SULF2: variants seen among roughly 807,000 people sequenced by gnomAD.
The protein encoded by SULF2 is sulfatase 2.
A neutral mutation model predicts 107.7 loss-of-function variants in SULF2; 52 were observed. The ratio of observed to expected loss-of-function variants is 0.48; its 90% CI spans 0.39 to 0.61. SULF2 has a LOEUF of 0.61. Ranked by LOEUF, SULF2 falls within the 20% of genes least tolerant of loss-of-function variation. The pLI is 0.00. For synonymous variants in SULF2, 460 were observed against 464.3 expected (o/e 0.99, Z 0.12); for missense variants, 993 against 1,177.3 (o/e 0.84, Z 2.29).
intron 3 of SULF2, among the ~76,000 whole-genome samples, chr20:47,728,272 A>T (rs992619754): frequency 6.6e-6 from 1 of 152,122 alleles, no homozygotes; most frequent in Admixed American, 6.5e-5. Context: ...GAGAGCAGGG[A>T]GCAAACCCAG....
At chr20:47,682,927 C>T (rs913860226) in intron 7 of SULF2, 67 bp downstream of exon 7, 1 of 1,485,854 alleles carries the variant, frequency 6.7e-7, no homozygotes, top group South Asian at 1.3e-5. Context: ...TGGGTTTGGG[C>T]TGCATGGTTG....
At chr20:47,670,111 C>A (rs2087412514) in intron 11 of SULF2, among the ~76,000 whole-genome samples, 1 of 152,158 alleles carries the variant, frequency 6.6e-6, no homozygotes, top group Non-Finnish European at 1.5e-5. Flanking sequence ...CTGGCTGGAC[C>A]AGAGGAGATC....
chr20:47,759,194 G>A (rs2090362443), intron 1 of SULF2, among the ~76,000 whole-genome samples: 1 of 152,176 alleles, frequency 6.6e-6, no homozygotes, highest in African/African-American at 2.4e-5. Flanking sequence ...TGCCAGTCCT[G>A]TGCTCACCTG....
chr20:47,676,716 G>C, intron 9 of SULF2, 93 bp from the exon 10 acceptor site: 1 of 1,471,718 alleles, frequency 6.8e-7, no homozygotes, highest in East Asian at 2.5e-5. Context: ...GTGCCCCCTC[G>C]GCTCCGGCTT....
At chr20:47,784,231 C>A (rs2090881398) in intron 1 of SULF2, among the ~76,000 whole-genome samples, 1 of 151,284 alleles carries the variant, frequency 6.6e-6, no homozygotes, top group South Asian at 2.1e-4. Flanking sequence ...GGCGAGAGGG[C>A]GGGTGTCCCA....
intron 3 of SULF2, among the ~76,000 whole-genome samples, chr20:47,727,532 G>T (rs2089476685): frequency 6.6e-6 from 1 of 152,206 alleles, no homozygotes; most frequent in Non-Finnish European, 1.5e-5. Flanking sequence ...CACTAGGGAA[G>T]TGGATACACC....
chr20:47,687,249 C>T (rs930634982), intron 5 of SULF2, among the ~76,000 whole-genome samples: 3 of 152,112 alleles, frequency 2.0e-5, no homozygotes, highest in Non-Finnish European at 2.9e-5. Flanking sequence ...GCAGCAGAGC[C>T]GGGTGGTGCT....
chr20:47,755,629 T>C (rs1031668558), intron 2 of SULF2, among the ~76,000 whole-genome samples: 2 of 152,170 alleles, frequency 1.3e-5, no homozygotes, highest in Non-Finnish European at 2.9e-5. Flanking sequence ...TGAGCTTCCA[T>C]CATCACTGCC....
At chr20:47,756,496 C>T (rs1453679901) in intron 2 of SULF2, among the ~76,000 whole-genome samples, 1 of 152,164 alleles carries the variant, frequency 6.6e-6, no homozygotes, top group Non-Finnish European at 1.5e-5. Flanking sequence ...CTAACCTAGT[C>T]AACCTTCACA....
intron 2 of SULF2, among the ~76,000 whole-genome samples, chr20:47,753,050 G>A (rs1176697848): frequency 1.4e-5 from 2 of 143,034 alleles, no homozygotes; most frequent in Non-Finnish European, 3.0e-5. Context: ...GCAGTGAGCC[G>A]AGATTGCGCC....
At chr20:47,743,909 C>T (rs1344163862) in intron 2 of SULF2, among the ~76,000 whole-genome samples, 3 of 152,196 alleles carry the variant, frequency 2.0e-5, no homozygotes, top group East Asian at 3.9e-4. Context: ...TCCCTCATTG[C>T]CTTCAGGTTT....
chr20:47,697,047 C>T (rs1265032073), intron 4 of SULF2, among the ~76,000 whole-genome samples: 2 of 152,134 alleles, frequency 1.3e-5, no homozygotes, highest in African/African-American at 2.4e-5. Flanking sequence ...TAGAATCTGC[C>T]AGGTCGCCCC....
At chr20:47,725,080 C>T (rs1021085866) in intron 3 of SULF2, among the ~76,000 whole-genome samples, 2 of 152,190 alleles carry the variant, frequency 1.3e-5, no homozygotes, top group Admixed American at 6.5e-5. Context: ...GTCAGGCAGA[C>T]GCCTGCACCT....
chr20:47,675,279 C>T (rs933768240), intron 10 of SULF2, among the ~76,000 whole-genome samples: 4 of 151,912 alleles, frequency 2.6e-5, no homozygotes, highest in African/African-American at 9.7e-5. Flanking sequence ...AGAACATCAG[C>T]TCTGGGAGGG....
chr20:47,768,213 C>T (rs1475920852), intron 1 of SULF2, among the ~76,000 whole-genome samples: 1 of 151,844 alleles, frequency 6.6e-6, no homozygotes. Flanking sequence ...GAAGCCAACA[C>T]ACCGAACACA....
At chr20:47,769,541 G>T (rs12480542) in intron 1 of SULF2, among the ~76,000 whole-genome samples, 1 of 151,826 alleles carries the variant, frequency 6.6e-6, no homozygotes, top group Admixed American at 6.6e-5. Flanking sequence ...CCAGAAGCTC[G>T]CATGGGCAGG....
At chr20:47,662,941 A>C (rs775715381) in intron 17 of SULF2, 129 bp downstream of exon 17, 26 of 1,031,666 alleles carry the variant, frequency 2.5e-5, no homozygotes, top group Non-Finnish European at 3.7e-5. Flanking sequence ...TTCACAACTT[A>C]CTCCCACCGG....
chr20:47,660,626 G>T (rs1251799029), intron 18 of SULF2, among the ~76,000 whole-genome samples: 2 of 151,240 alleles, frequency 1.3e-5, no homozygotes, highest in African/African-American at 2.4e-5. Flanking sequence ...TTTATTTTTA[G>T]AGATGGGGCG....
intron 11 of SULF2, among the ~76,000 whole-genome samples, chr20:47,669,053 G>A (rs561566577): frequency 1.4e-4 from 22 of 152,260 alleles, no homozygotes; most frequent in South Asian, 1.2e-3. Context: ...CCACCGCTGC[G>A]TCTCCTTCAT....
Sources: gnomAD v4.1 joint callset for allele counts (sites outside exome capture counted in the v4.1 genomes callset) on GRCh38, gnomAD v4.1.1 for gene constraint, MANE v1.5 for transcripts, NCBI Gene and HGNC (gene_info 2026-07-23, HGNC 2026-07-21) for gene names.